The following HLA-DPB1 variants were observed in gnomAD, a reference collection of about 807,000 sequenced individuals.
The protein encoded by HLA-DPB1 is major histocompatibility complex, class II, DP beta 1.
HLA-DPB1 carries 30 observed loss-of-function variants against 29.4 expected under a neutral mutation model. The ratio of observed to expected loss-of-function variants is 1.02; its 90% CI spans 0.76 to 1.38. The LOEUF (loss-of-function observed/expected upper bound fraction) is 1.38, where lower values mean the gene tolerates loss of function less well. Ranked by LOEUF, HLA-DPB1 falls within the 40% of genes most tolerant of loss-of-function variation. The pLI, the probability that HLA-DPB1 is intolerant of heterozygous loss-of-function variation, is 0.00. For synonymous variants in HLA-DPB1, 114 were observed against 134.0 expected (o/e 0.85, Z 1.03); for missense variants, 261 against 327.5 (o/e 0.80, Z 1.57).
Position 33,087,612 on chromosome 6 carries a change from G to T in HLA-DPB1, c.*1078G>T, listed in dbSNP as rs765293588. 3.3e-5 allele frequency among the ~76,000 whole-genome samples: 5 copies of T among 152,152 alleles called. No individual in the cohort carries two copies. Among genetic ancestry groups the T allele is most frequent in the Non-Finnish European group, 5.9e-5 (4 of 68,036 alleles). The stretch of plus-strand genomic sequence containing the variant: ...CTTCAGTCTCCCTGGCTTCTTACAA[G>T]CATCTTCTGGGCCTTGTGTGTCCCT... On this transcript the variant is annotated 3_prime_UTR_variant, in exon 6 of 6. Coordinates refer to ENST00000418931, the MANE Select transcript of HLA-DPB1 (RefSeq NM_002121.6).
intron 2 of HLA-DPB1, chr6:33,083,500 A>G (rs9277397): frequency 0.38 from 57,543 of 152,084 alleles, 12,262 homozygotes; most frequent in East Asian, 0.64. Context: ...ACAGGTTCTC[A>G]CTTTGTCTCC....
chr6:33,078,497 G>A (rs183007250), intron 1 of HLA-DPB1, among the ~76,000 whole-genome samples: 2 of 152,264 alleles, frequency 1.3e-5, no homozygotes, highest in Admixed American at 1.3e-4. Flanking sequence ...CAACCCATAG[G>A]GAGCTAGAGG....
Position 33,087,195 on chromosome 6 carries a change from A to G in HLA-DPB1, c.*661A>G, listed in dbSNP as rs1443079556. ...TAAAATCATAAATATAATCTAATAC[A>G]CTTTAACCATTTTCTTTGTGTGCCA... On this transcript the variant is annotated 3_prime_UTR_variant, in exon 6 of 6. Transcript: ENST00000418931. The G allele has an allele frequency of 6.5e-6, 1 of 153,236 alleles. No homozygotes were observed. Among genetic ancestry groups the G allele is most frequent in the Non-Finnish European group, 1.5e-5 (1 of 68,748 alleles). 9.5% of individuals were successfully genotyped at this position (153,236 alleles called of 1,614,324 possible).
At chr6:33,078,842 C>G (rs2150369914) in intron 1 of HLA-DPB1, among the ~76,000 whole-genome samples, 1 of 152,218 alleles carries the variant, frequency 6.6e-6, no homozygotes, top group East Asian at 1.9e-4. Context: ...GAAACAAAGA[C>G]TAACAAATGA....
Position 33,085,178 on chromosome 6 carries a change from A to G in HLA-DPB1, c.593A>G (p.Tyr198Cys). 6.2e-7 allele frequency: 1 copy of G among 1,613,168 alleles called. No homozygotes were observed. Among genetic ancestry groups the G allele is most frequent in the Non-Finnish European group, 8.5e-7 (1 of 1,179,468 alleles). The change falls in exon 3 of 6, where the codon TAC becomes TGC. Residue 198 changes from tyrosine (Y) to cysteine (C), a missense_variant. Physicochemically the swap from Tyr to Cys is radical, Grantham distance 194. Transcript: ENST00000418931. The part of the protein sequence containing the change: ...LEMTPQQGDV[Y>C]TCQVEHTSLD... ...ATGACCCCCCAGCAGGGAGATGTCT[A>G]CACCTGCCAAGTGGAGCACACCAGC...
intron 2 of HLA-DPB1, among the ~76,000 whole-genome samples, chr6:33,082,392 T>G (rs561464211): frequency 8.2e-4 from 125 of 151,994 alleles, no homozygotes; most frequent in African/African-American, 2.8e-3. Context: ...CTGGAGATCC[T>G]CTGTGATGCA....
chr6:33,076,773 G>C (rs1455926265), intron 1 of HLA-DPB1, among the ~76,000 whole-genome samples: 2 of 152,138 alleles, frequency 1.3e-5, no homozygotes, highest in African/African-American at 2.4e-5. Context: ...GTGGGTGCAT[G>C]ACAGGGATTG....
At position 33,086,304 on chromosome 6, in the gene HLA-DPB1, T is replaced by G; in HGVS notation, c.*4+62T>G. 3 of 1,255,046 alleles carry G rather than the reference T, an allele frequency of 2.4e-6. No homozygotes were observed. In the South Asian group the frequency reaches 3.6e-5, roughly 15 times the overall value. 77.7% of individuals were successfully genotyped at this position (1,255,046 alleles called of 1,614,324 possible). On this transcript the variant is annotated intron_variant, in intron 5 of 5. Transcript: ENST00000418931. ...TGCAGGAGGATATGAGTCCTTTCTG[T>G]GCATTGTAACACTGAGGCTCCTCCA...
At position 33,080,926 on chromosome 6, in the gene HLA-DPB1, C is replaced by A; in HGVS notation, c.355C>A (p.Gln119Lys). The A allele has an allele frequency of 1.3e-6, 2 of 1,593,168 alleles. No individual in the cohort carries two copies. Among genetic ancestry groups the A allele is most frequent in the Non-Finnish European group, 8.5e-7 (1 of 1,170,618 alleles). The stretch of plus-strand genomic sequence containing the variant: ...CGAGCTGGGCGGGCCCATGACCCTG[C>A]AGCGCCGAGGTGAGTGAGGGCTTTG... ...NYELGGPMTLQRRVQPRVNVS... is the reference protein window; with the variant it reads ...NYELGGPMTLKRRVQPRVNVS... The change falls in exon 2 of 6, where the codon CAG (glutamine) becomes AAG (lysine). Residue 119 changes from glutamine to lysine, a missense_variant. Transcript: ENST00000418931. The surrounding 1 kb of genome is among the most constrained non-coding windows in gnomAD (Gnocchi z 4.3).
Position 33,088,763 on chromosome 6 carries a change from T to C in HLA-DPB1, c.*2229T>C, listed in dbSNP as rs1763227439. ...TCTTGAGGTACATCAGTCATTGGAG[T>C]TGAAGAGCAGAGATTCAAAGGAAAG... On this transcript the variant is annotated 3_prime_UTR_variant, in exon 6 of 6. Coordinates refer to ENST00000418931, the MANE Select transcript of HLA-DPB1 (RefSeq NM_002121.6). Among the ~76,000 whole-genome samples, 1 of 151,794 alleles carries C rather than the reference T, an allele frequency of 6.6e-6. No homozygotes were observed. The highest frequency in any genetic ancestry group is 2.4e-5 in the African/African-American group (1 of 41,282).
At chr6:33,082,409 T>C (rs9277375) in intron 2 of HLA-DPB1, among the ~76,000 whole-genome samples, 56,097 of 150,736 alleles carry the variant, frequency 0.37, 11,877 homozygotes, top group East Asian at 0.63. Context: ...TGCACAGATC[T>C]CCAGACTCAG....
In HLA-DPB1 at chr6:33,085,479, C is replaced by T. The variant is rs553069394; in HGVS notation, c.646+248C>T. On this transcript the variant is annotated intron_variant, in intron 3 of 5. Transcript: ENST00000418931. Reference sequence around the variant, plus strand: ...AGAATCTAGGGACACTGACTGGTCTCGAAACCCTCACACTTAGGAACTGAC... The same window carrying T: ...AGAATCTAGGGACACTGACTGGTCTTGAAACCCTCACACTTAGGAACTGAC... 6.6e-4 allele frequency among the ~76,000 whole-genome samples: 100 copies of T among 152,124 alleles called. 3 individuals carry two copies. The highest frequency in any genetic ancestry group is 3.4e-4 in the Non-Finnish European group (23 of 68,024).
At position 33,084,994 on chromosome 6, in the gene HLA-DPB1, C is replaced by T; in HGVS notation, c.409C>T (p.Gln137Ter). ...TTCCCCCTCCAAGAAGGGGCCCTTG[C>T]AGCACCACAACCTGCTTGTCTGCCA... The part of the protein sequence containing the change: ...NVSPSKKGPL[Q>*]HHNLLVCHVT... The change falls in exon 3 of 6, where the codon CAG (glutamine) becomes TAG (stop). Residue 137 changes from glutamine (Q) to a stop codon, truncating the protein, a stop_gained. Coordinates refer to ENST00000418931, the MANE Select transcript of HLA-DPB1 (RefSeq NM_002121.6). LOFTEE classifies it high-confidence loss of function. 10 of 1,609,248 alleles carry T rather than the reference C, an allele frequency of 6.2e-6. No individual in the cohort carries two copies. The highest frequency in any genetic ancestry group is 8.5e-6 in the Non-Finnish European group (10 of 1,176,502).
chr6:33,086,034 T>TA, intron 4 of HLA-DPB1, 145 bp downstream of exon 4: 1 of 769,922 alleles, frequency 1.3e-6, no homozygotes, highest in Non-Finnish European at 2.2e-6. Context: ...ACATGACCTA[T>TA]AGCGAGAGAG....
At chr6:33,084,229 G>T (rs1205037210) in intron 2 of HLA-DPB1, among the ~76,000 whole-genome samples, 1 of 152,074 alleles carries the variant, frequency 6.6e-6, no homozygotes, top group Non-Finnish European at 1.5e-5. Context: ...ACTTTGAAAA[G>T]GTAGGTAATT....
At chr6:33,078,805 C>T (rs773271477) in intron 1 of HLA-DPB1, among the ~76,000 whole-genome samples, 1 of 152,030 alleles carries the variant, frequency 6.6e-6, no homozygotes, top group East Asian at 1.9e-4. Context: ...GAATGAAAAA[C>T]GTTCTCTTAC....
chr6:33,082,744 G>T (rs9277387), intron 2 of HLA-DPB1, among the ~76,000 whole-genome samples: 56,946 of 151,760 alleles, frequency 0.38, 12,121 homozygotes, highest in East Asian at 0.63. Context: ...TTCCAGGGTG[G>T]ATGTCCACCC....
chr6:33,082,592 C>A (rs9277380), intron 2 of HLA-DPB1, among the ~76,000 whole-genome samples: 1 of 151,862 alleles, frequency 6.6e-6, no homozygotes, highest in Non-Finnish European at 1.5e-5. Context: ...AGGGTGCTGG[C>A]TAGAGGAGGG....
chr6:33,082,922 G>C (rs762540956), intron 2 of HLA-DPB1, among the ~76,000 whole-genome samples: 3 of 152,200 alleles, frequency 2.0e-5, no homozygotes, highest in Non-Finnish European at 4.4e-5. Flanking sequence ...GTGGCTCCAG[G>C]CTGACCTGCT....
Sources: allele counts gnomAD v4.1 joint callset (sites outside exome capture counted in the v4.1 genomes callset), GRCh38; gene constraint gnomAD v4.1.1; non-coding constraint Gnocchi (gnomAD v3.1); transcripts MANE v1.5; gene names NCBI Gene and HGNC (gene_info 2026-07-23, HGNC 2026-07-21).